Variants in MATR3 observed in about 807,000 individuals in gnomAD.
MATR3 encodes the protein matrin 3.
In MATR3, 4 loss-of-function variants were observed where a neutral mutation model predicts 85.5. That is an observed-to-expected ratio of 0.05 (90% CI 0.02 to 0.11). The LOEUF is 0.11. Among genes scored for constraint, MATR3 ranks in the 10% least tolerant of loss-of-function variants. MATR3 has a pLI of 1.00. For synonymous variants in MATR3, 336 were observed against 343.1 expected (o/e 0.98, Z 0.23); for missense variants, 685 against 1,016.1 (o/e 0.67, Z 4.43).
chr5:139,313,030 T>G (rs1232021853), intron 2 of MATR3: 3 of 151,574 alleles, frequency 2.0e-5, no homozygotes, highest in East Asian at 1.9e-4. Context: ...AACCAGTTTT[T>G]TTTTTTTTTT....
intron 2 of MATR3, chr5:139,278,891 T>G (rs369875833): frequency 5.8e-6 from 3 of 517,358 alleles, no homozygotes; most frequent in African/African-American, 1.9e-5. Context: ...TGTTTTGGTG[T>G]TGTAGCTGAG....
At chr5:139,287,304 T>A (rs1056489502) in intron 3 of MATR3, among the ~76,000 whole-genome samples, 2 of 152,204 alleles carry the variant, frequency 1.3e-5, no homozygotes, top group African/African-American at 4.8e-5. Context: ...CTCAAATCCA[T>A]ACTCTATTCT....
chr5:139,326,304 A>G lies in MATR3; in HGVS notation c.2493+20A>G. On this transcript the variant is annotated intron_variant, in intron 14 of 14. Transcript: ENST00000394805. ...TTAAAGGTAAGGTTGAATGTAAAACAGTTCTTTTGTGAAAACTTAACAAGT... is the reference window on the plus strand; with the variant it reads ...TTAAAGGTAAGGTTGAATGTAAAACGGTTCTTTTGTGAAAACTTAACAAGT... The G allele has an allele frequency of 6.2e-7, 1 of 1,611,070 alleles. No homozygotes were observed.
At chr5:139,313,609 A>G (rs1000717942) in intron 2 of MATR3, 4 of 152,214 alleles carry the variant, frequency 2.6e-5, no homozygotes, top group African/African-American at 9.7e-5. Context: ...TTTGAATAAA[A>G]TAAGAGTTAC....
chr5:139,307,929 A>G lies in MATR3; in HGVS notation c.514A>G (p.Arg172Gly). The change falls in exon 2 of 15, where the codon AGA becomes GGA. Residue 172 changes from arginine to glycine, a missense_variant. Transcript: ENST00000394805. This position sits in a 1 kb window ranked among gnomAD's most constrained non-coding sequence, Gnocchi z 4.4. ...ATCTGCTACACGGGAGCCACCATAC[A>G]GAGTACCTAGGGATGATTGGGAAGA... ...GRSATREPPY[R>G]VPRDDWEEKR... The G allele has an allele frequency of 4.3e-6, 7 of 1,614,186 alleles. No individual in the cohort carries two copies. Among genetic ancestry groups the G allele is most frequent in the Non-Finnish European group, 5.9e-6 (7 of 1,180,036 alleles).
intron 2 of MATR3, chr5:139,314,077 C>T (rs753283753): frequency 2.6e-5 from 4 of 154,622 alleles, no homozygotes; most frequent in South Asian, 3.9e-4. Context: ...CCACCACGCC[C>T]GGCTAAATTT....
chr5:139,276,233 G>T (rs1240829241), intron 2 of MATR3: 2 of 456,520 alleles, frequency 4.4e-6, no homozygotes, highest in Admixed American at 2.3e-5. Context: ...GTGTTACACT[G>T]CTGGGAGAAC....
At chr5:139,320,106 A>C (rs1755477557) in intron 9 of MATR3, among the ~76,000 whole-genome samples, 1 of 151,458 alleles carries the variant, frequency 6.6e-6, no homozygotes, top group Non-Finnish European at 1.5e-5. Context: ...CAGGAGATTG[A>C]GATCATCCTG....
intron 1 of MATR3, among the ~76,000 whole-genome samples, chr5:139,275,840 T>TA (rs1216379120): frequency 6.6e-6 from 1 of 152,184 alleles, no homozygotes; most frequent in East Asian, 1.9e-4. Flanking sequence ...GACTGAGGTA[T>TA]AGAGAGGTTT....
intron 1 of MATR3, among the ~76,000 whole-genome samples, chr5:139,300,820 TTTG>T (rs1326183967): frequency 1.3e-5 from 2 of 151,982 alleles, no homozygotes; most frequent in Admixed American, 1.3e-4. Context: ...TTTTTGGTGT[TTTG>T]TTGTTTTGAG....
At chr5:139,311,109 T>C (rs1381840936) in intron 2 of MATR3, 1 of 152,222 alleles carries the variant, frequency 6.6e-6, no homozygotes, top group African/African-American at 2.4e-5. Flanking sequence ...CAGATTGCTT[T>C]TCTATGCAAT....
chr5:139,300,361 T>G (rs551254526), intron 1 of MATR3, among the ~76,000 whole-genome samples: 1 of 152,268 alleles, frequency 6.6e-6, no homozygotes, highest in Admixed American at 6.5e-5. Flanking sequence ...CGAGACTCTG[T>G]CTCAAAAACA....
At position 139,331,370 on chromosome 5, in the gene MATR3, C is replaced by A; in HGVS notation, c.*1975C>A. 1 of 454,052 alleles carries A rather than the reference C, an allele frequency of 2.2e-6. No individual in the cohort carries two copies. Among genetic ancestry groups the A allele is most frequent in the South Asian group, 1.6e-5 (1 of 64,472 alleles). The allele number at this position is 454,052 out of a possible 1,614,324, so 28.1% of individuals were successfully genotyped here. A position where few individuals can be genotyped will look rare whatever the true frequency, so the allele number is the denominator to read the frequency against. On this transcript the variant is annotated 3_prime_UTR_variant, in exon 15 of 15. Transcript: ENST00000394805. ...AAAGCATTATGTGCACAATGGAGTT[C>A]TTCAGTGTTTCCTTTCAGTGATGGC...
intron 1 of MATR3, chr5:139,276,045 G>A (rs909368311): frequency 2.0e-5 from 9 of 456,624 alleles, no homozygotes; most frequent in African/African-American, 1.2e-4. Context: ...CTAAGTTACC[G>A]TGTTTTGAGG....
rs1194943542 is a variant in MATR3, at chr5:139,307,881, T to C, written c.466T>C (p.Leu156=). ...GAGGAGAACTGAAGAAGGCCCTACC[T>C]TGAGTTATGGTAGAGATGGCAGATC... ...KRRRTEEGPT[L]SYGRDGRSAT... The change falls in exon 2 of 15, where the codon TTG becomes CTG. Residue 156 remains leucine (L), a synonymous_variant. Transcript: ENST00000394805. The surrounding 1 kb of genome is among the most constrained non-coding windows in gnomAD (Gnocchi z 4.4). The C allele has an allele frequency of 6.2e-7, 1 of 1,614,028 alleles. No homozygotes were observed. Among genetic ancestry groups the C allele is most frequent in the Admixed American group, 1.7e-5 (1 of 59,996 alleles).
At chr5:139,277,074 T>C (rs1753304640) in intron 2 of MATR3, among the ~76,000 whole-genome samples, 1 of 152,140 alleles carries the variant, frequency 6.6e-6, no homozygotes, top group Non-Finnish European at 1.5e-5. Context: ...GTAGTAATTT[T>C]GTTTTGGAAT....
chr5:139,327,304 GTTT>G (rs1194649334), intron 14 of MATR3, among the ~76,000 whole-genome samples: 2,749 of 119,128 alleles, frequency 0.023, 90 homozygotes, highest in African/African-American at 0.076. Context: ...TGTCACTTCT[GTTT>G]TTTTTTTTTT....
At chr5:139,280,614 GAA>G in intron 3 of MATR3, 1 of 152,192 alleles carries the variant, frequency 6.6e-6, no homozygotes, top group Non-Finnish European at 1.5e-5. Context: ...GAGGTCTTAA[GAA>G]AGAATAGCAG....
chr5:139,327,739 C>T (rs1755932616), intron 14 of MATR3, among the ~76,000 whole-genome samples: 1 of 151,834 alleles, frequency 6.6e-6, no homozygotes, highest in African/African-American at 2.4e-5. Context: ...ATATTTTTAT[C>T]TGCTTTGATT....
Sources: gnomAD v4.1 joint callset for allele counts (sites outside exome capture counted in the v4.1 genomes callset) on GRCh38, gnomAD v4.1.1 for gene constraint, Gnocchi (gnomAD v3.1) non-coding constraint, MANE v1.5 for transcripts, NCBI Gene and HGNC (gene_info 2026-07-23, HGNC 2026-07-21) for gene names.